Variants in NIBAN1 observed in about 807,000 individuals in gnomAD.
NIBAN1 encodes niban apoptosis regulator 1, also known as protein Niban 1.
NIBAN1 carries 81 observed loss-of-function variants against 75.1 expected under a neutral mutation model. That is an observed-to-expected ratio of 1.08 (90% confidence interval 0.90 to 1.30). The LOEUF (loss-of-function observed/expected upper bound fraction) is 1.30. Among genes scored for constraint, NIBAN1 ranks in the 50% most tolerant of loss-of-function variants. The probability of loss-of-function intolerance (pLI) is 0.00; values close to 1 mark genes in which losing one functional copy is unlikely to be tolerated. For synonymous variants in NIBAN1, 436 were observed against 424.8 expected (o/e 1.03, Z -0.32); for missense variants, 1,133 against 1,128.1 (o/e 1.00, Z -0.06).
chr1:184,905,076 C>A (rs888314856), intron 1 of NIBAN1, among the ~76,000 whole-genome samples: 1 of 151,980 alleles, frequency 6.6e-6, no homozygotes, highest in Admixed American at 6.6e-5. Flanking sequence ...GGGGGAGTGC[C>A]AGGGCTGATC....
chr1:184,952,710 CA>C (rs1658389728), intron 1 of NIBAN1, among the ~76,000 whole-genome samples: 1 of 152,198 alleles, frequency 6.6e-6, no homozygotes, highest in African/African-American at 2.4e-5. Flanking sequence ...CTAAATGCTG[CA>C]AATTAAGGTT....
At chr1:184,933,458 T>A (rs779207388) in intron 1 of NIBAN1, among the ~76,000 whole-genome samples, 7 of 152,216 alleles carry the variant, frequency 4.6e-5, no homozygotes, top group Non-Finnish European at 1.0e-4. Flanking sequence ...CTCTGGTATT[T>A]AAGAATCTCT....
intron 4 of NIBAN1, among the ~76,000 whole-genome samples, chr1:184,888,696 T>A (rs1359868735): frequency 6.6e-6 from 1 of 152,188 alleles, no homozygotes; most frequent in Non-Finnish European, 1.5e-5. Flanking sequence ...TTCCCTCCAA[T>A]ATGATTACAG....
At chr1:184,966,774 TA>T (rs1237904009) in intron 1 of NIBAN1, among the ~76,000 whole-genome samples, 1 of 151,994 alleles carries the variant, frequency 6.6e-6, no homozygotes, top group Non-Finnish European at 1.5e-5. Context: ...AAATAGTTTT[TA>T]AAAAGGAAAA....
chr1:184,966,428 C>T lies in NIBAN1; in HGVS notation c.55+7874G>A, dbSNP rs116147231. 2.5e-3 allele frequency among the ~76,000 whole-genome samples: 377 copies of T among 152,340 alleles called. 3 individuals are homozygous for T. The highest frequency in any genetic ancestry group is 8.3e-3 in the African/African-American group (346 of 41,582). On this transcript the variant is annotated intron_variant, in intron 1 of 13. Transcript: ENST00000367511. ...CAGCCACCAGCTGATCCACCAGATG[C>T]ATGCATCCACAGGAATGACCACCAG...
chr1:184,797,670 C>T (rs1365209570), intron 13 of NIBAN1, among the ~76,000 whole-genome samples: 1 of 151,928 alleles, frequency 6.6e-6, no homozygotes, highest in African/African-American at 2.4e-5. Flanking sequence ...GGGTGGGGGG[C>T]AGGGGCAGTT....
chr1:184,929,013 A>G (rs1287290511), intron 1 of NIBAN1, among the ~76,000 whole-genome samples: 1 of 152,172 alleles, frequency 6.6e-6, no homozygotes, highest in East Asian at 1.9e-4. Flanking sequence ...GTGGGGAAAT[A>G]ACCCCAATGT....
Position 184,794,462 on chromosome 1 carries a change from C to T in NIBAN1, c.*515G>A, listed in dbSNP as rs14023. 61,226 of 183,216 alleles carry T rather than the reference C, an allele frequency of 0.33. 10,892 individuals are homozygous for T. Among genetic ancestry groups the T allele is most frequent in the East Asian group, 0.51 (3,234 of 6,400 alleles). The allele number at this position is 183,216 out of a possible 1,614,324, so 11.3% of individuals were successfully genotyped here. ...GCCTCTGTGGGGGCTACAGCCAGCA[C>T]GGGTGACTGTTCATGACCTACCCTC... On this transcript the variant is annotated 3_prime_UTR_variant, in exon 14 of 14. Coordinates refer to ENST00000367511, the MANE Select transcript of NIBAN1 (RefSeq NM_052966.4).
chr1:184,958,918 T>G (rs1658558519), intron 1 of NIBAN1, among the ~76,000 whole-genome samples: 1 of 152,248 alleles, frequency 6.6e-6, no homozygotes, highest in African/African-American at 2.4e-5. Context: ...ACTCTAAGCC[T>G]GCATCTGCTT....
chr1:184,890,835 G>A (rs570725788), intron 3 of NIBAN1, among the ~76,000 whole-genome samples: 7 of 152,320 alleles, frequency 4.6e-5, no homozygotes, highest in Non-Finnish European at 2.9e-5. Flanking sequence ...AAGAAGCTCT[G>A]CTATTTGAGA....
At chr1:184,860,524 T>C (rs1265101939) in intron 5 of NIBAN1, among the ~76,000 whole-genome samples, 1 of 152,252 alleles carries the variant, frequency 6.6e-6, no homozygotes, top group East Asian at 1.9e-4. Context: ...TGTGTTATTT[T>C]ATGAAAATAT....
rs1653728606 is a variant in NIBAN1, at chr1:184,792,607, G to A, written c.*2370C>T. On this transcript the variant is annotated 3_prime_UTR_variant, in exon 14 of 14. Transcript: ENST00000367511. ...CAGTGCATCTGGCCATCTGCCCCTT[G>A]GACTTTGGACTTTACTTAAGAGAAA... The A allele has an allele frequency of 6.6e-6, 1 of 152,664 alleles. No homozygotes were observed. Among genetic ancestry groups the A allele is most frequent in the Non-Finnish European group, 1.5e-5 (1 of 68,052 alleles). 9.5% of individuals were successfully genotyped at this position (152,664 alleles called of 1,614,324 possible).
chr1:184,827,590 C>A (rs912689631), intron 6 of NIBAN1, among the ~76,000 whole-genome samples: 37 of 68,882 alleles, frequency 5.4e-4, no homozygotes, highest in African/African-American at 2.9e-3. Flanking sequence ...GGGGTGTTGG[C>A]AAGGGCAGTG....
chr1:184,907,032 T>A (rs1206006151), intron 1 of NIBAN1, among the ~76,000 whole-genome samples: 1 of 152,242 alleles, frequency 6.6e-6, no homozygotes, highest in East Asian at 1.9e-4. Flanking sequence ...CTCTGAAATA[T>A]GTAGCTTCCT....
At chr1:184,961,897 A>C (rs234095) in intron 1 of NIBAN1, among the ~76,000 whole-genome samples, 2 of 152,086 alleles carry the variant, frequency 1.3e-5, no homozygotes, top group African/African-American at 4.8e-5. Flanking sequence ...AATACTATTT[A>C]CTGCTGCAGC....
chr1:184,860,111 A>G lies in NIBAN1; in HGVS notation c.601+24522T>C, dbSNP rs142153491. On this transcript the variant is annotated intron_variant, in intron 5 of 13. Coordinates refer to ENST00000367511, the MANE Select transcript of NIBAN1 (RefSeq NM_052966.4). ...CCCACTCATGAACTAGCTGAAAATGAACCAGAGAACTATGGTGTGAGTGGG... is the reference window on the plus strand; with the variant it reads ...CCCACTCATGAACTAGCTGAAAATGGACCAGAGAACTATGGTGTGAGTGGG... Among the ~76,000 whole-genome samples the G allele has an allele frequency of 1.9e-3, 287 of 152,286 alleles. 1 individual carries two copies. Among genetic ancestry groups the G allele is most frequent in the African/African-American group, 6.7e-3 (277 of 41,546 alleles).
At chr1:184,969,365 G>A (rs1658877081) in intron 1 of NIBAN1, among the ~76,000 whole-genome samples, 1 of 152,156 alleles carries the variant, frequency 6.6e-6, no homozygotes, top group Non-Finnish European at 1.5e-5. Flanking sequence ...TATTGGCTTT[G>A]TCTTTAGGCT....
chr1:184,842,467 G>T (rs1046838181), intron 5 of NIBAN1, among the ~76,000 whole-genome samples: 6 of 152,294 alleles, frequency 3.9e-5, no homozygotes, highest in African/African-American at 1.2e-4. Context: ...AATCACTTGT[G>T]GTAAGGCCGG....
At chr1:184,916,516 T>G (rs1001101863) in intron 1 of NIBAN1, among the ~76,000 whole-genome samples, 2 of 152,156 alleles carry the variant, frequency 1.3e-5, no homozygotes, top group South Asian at 4.1e-4. Flanking sequence ...TTCATTAACT[T>G]CCCTTTATTC....
Sources: gnomAD v4.1 joint callset for allele counts (sites outside exome capture counted in the v4.1 genomes callset) on GRCh38, gnomAD v4.1.1 for gene constraint, MANE v1.5 for transcripts, NCBI Gene and HGNC (gene_info 2026-07-23, HGNC 2026-07-21) for gene names.